The following DHX38 variants were observed in gnomAD, a reference collection of about 807,000 sequenced individuals.
DHX38 encodes pre-mRNA-splicing factor ATP-dependent RNA helicase PRP16.
A neutral mutation model predicts 153.1 loss-of-function variants in DHX38; 100 were observed. The observed-to-expected ratio is 0.65, with a 90% CI of 0.56 to 0.77. The LOEUF (loss-of-function observed/expected upper bound fraction) is 0.77. Ranked by LOEUF, DHX38 falls within the 30% of genes least tolerant of loss-of-function variation. The pLI is 0.00. For missense variants in DHX38, 1,440 were observed against 1,654.0 expected (o/e 0.87, Z 2.24); for synonymous variants, 650 against 631.7 (o/e 1.03, Z -0.43).
chr16:72,096,001 G>A, intron 1 of DHX38, 138 bp from the exon 2 acceptor site: 1 of 860,622 alleles, frequency 1.2e-6, no homozygotes, highest in South Asian at 1.8e-5. Flanking sequence ...AGGTCTTGGA[G>A]AGAGGGAGCA....
intron 2 of DHX38, 28 bp downstream of exon 2, chr16:72,096,508 G>C (rs2042020823): frequency 1.3e-6 from 2 of 1,568,918 alleles, no homozygotes; most frequent in East Asian, 2.3e-5. Flanking sequence ...GGTTAGCCCA[G>C]AGGGAAGCGA....
At chr16:72,109,807 T>G (rs753508664) in intron 25 of DHX38, 3 of 233,056 alleles carry the variant, frequency 1.3e-5, no homozygotes, top group Non-Finnish European at 2.5e-5. Flanking sequence ...TCTATAATTG[T>G]CAACGTTTGT....
rs773675029 is a variant in DHX38, at chr16:72,103,612, A to G, written c.1648A>G (p.Ile550Val). Residue 550 changes from isoleucine to valine, a missense_variant, in exon 13 of 27, where the codon ATC becomes GTC. By Grantham distance (29) the Ile-to-Val change is conservative. Around this residue, in one of 6 missense-constraint regions of DHX38, gnomAD observed 241 missense variants for 229.5 expected, o/e 1.05. Transcript: ENST00000268482. ...ELLTIIRDNS[I>V]VIVVGETGSG... is the part of the protein sequence containing the mutation. ...TGCTTGTCCTTGTAGAGACAACAGC[A>G]TCGTGATCGTGGTTGGGGAGACGGG... The G allele has an allele frequency of 7.2e-5, 116 of 1,608,278 alleles. No individual in the cohort carries two copies. Among genetic ancestry groups the G allele is most frequent in the Non-Finnish European group, 9.9e-5 (116 of 1,175,098 alleles).
intron 8 of DHX38, 79 bp downstream of exon 8, chr16:72,099,966 TGAGG>T: frequency 2.6e-6 from 4 of 1,519,540 alleles, no homozygotes; most frequent in Non-Finnish European, 3.5e-6. Context: ...TATCCCCAAG[TGAGG>T]GCAGCACAGC....
chr16:72,097,671 T>C lies in DHX38; in HGVS notation c.512-6T>C. The C allele has an allele frequency of 6.2e-7, 1 of 1,613,524 alleles. No individual in the cohort carries two copies. The highest frequency in any genetic ancestry group is 8.5e-7 in the Non-Finnish European group (1 of 1,179,648). ...ATGTTTTTAAGCTTCGTGTGACTCT[T>C]CATAGATGAGCGGGATAGAAGTAGG... On this transcript the variant is annotated splice_polypyrimidine_tract_variant and splice_region_variant and intron_variant, in intron 3 of 26. Coordinates refer to ENST00000268482, the MANE Select transcript of DHX38 (RefSeq NM_014003.4).
Position 72,104,365 on chromosome 16 carries a change from A to G in DHX38, c.2011-121A>G. ...TGCTTCAGTCTTCATGATTGGTAAG[A>G]ATTGAATAGGCCCATTTGTCAGCTT... On this transcript the variant is annotated intron_variant, in intron 14 of 26. Coordinates refer to ENST00000268482, the MANE Select transcript of DHX38 (RefSeq NM_014003.4). The surrounding 1 kb of genome is among the most constrained non-coding windows in gnomAD (Gnocchi z 4.5). 1 of 1,390,062 alleles carries G rather than the reference A, an allele frequency of 7.2e-7. No individual in the cohort carries two copies. Among genetic ancestry groups the G allele is most frequent in the Non-Finnish European group, 9.7e-7 (1 of 1,032,996 alleles). The allele number at this position is 1,390,062 out of a possible 1,614,324, so 86.1% of individuals were successfully genotyped here.
In DHX38 at chr16:72,107,261, C is replaced by G; in HGVS notation, c.2601-79C>G. 1 of 1,418,838 alleles carries G rather than the reference C, an allele frequency of 7.0e-7. No homozygotes were observed. Among genetic ancestry groups the G allele is most frequent in the Middle Eastern group, 2.3e-4 (1 of 4,344 alleles). The allele number at this position is 1,418,838 out of a possible 1,614,324, so 87.9% of individuals were successfully genotyped here. Reference sequence around the variant, plus strand: ...TGGGGAGAAGAAATGAGAATTTCCTCCCTCCCTGTGGGATTTCATCTGTAC... The same window carrying G: ...TGGGGAGAAGAAATGAGAATTTCCTGCCTCCCTGTGGGATTTCATCTGTAC... On this transcript the variant is annotated intron_variant, in intron 19 of 26. Coordinates refer to ENST00000268482, the MANE Select transcript of DHX38 (RefSeq NM_014003.4). This position sits in a 1 kb window ranked among gnomAD's most constrained non-coding sequence, Gnocchi z 5.3.
chr16:72,108,607 G>A lies in DHX38; in HGVS notation c.3255G>A (p.Lys1085=). ...ATTTCCACCAAGCAGCCAAGCTCAA[G>A]GTGAACCCAGGAGCCCAGTGAGCCC... ...AAYFHQAAKL[K]GIGEYVNIRT... Residue 1085 remains lysine, a splice_region_variant and synonymous_variant, in exon 23 of 27, where the codon AAG becomes AAA. Coordinates refer to ENST00000268482, the MANE Select transcript of DHX38 (RefSeq NM_014003.4). 21 of 1,613,416 alleles carry A rather than the reference G, an allele frequency of 1.3e-5. No individual in the cohort carries two copies. Among genetic ancestry groups the A allele is most frequent in the Non-Finnish European group, 1.8e-5 (21 of 1,179,588 alleles).
In DHX38 at chr16:72,112,313, A is replaced by G. The variant is rs1026524536; in HGVS notation, c.3600-100A>G. The G allele has an allele frequency of 1.3e-5, 16 of 1,191,368 alleles. No individual in the cohort carries two copies. In the African/African-American group the frequency reaches 1.8e-4, roughly 13 times the overall value. The allele number at this position is 1,191,368 out of a possible 1,614,324, so 73.8% of individuals were successfully genotyped here. A position where few individuals can be genotyped will look rare whatever the true frequency, so the allele number is the denominator to read the frequency against. On this transcript the variant is annotated intron_variant, in intron 26 of 26. Transcript: ENST00000268482. ...ATCCCTCGGCCCAGAGCTCCCCACC[A>G]TGGGTTAGGAACAGTAAGTCCTGGG...
rs760949808 is a variant in DHX38 at position 72,107,987 on chromosome 16, G to C, written c.2964+188G>C. Among the ~76,000 whole-genome samples, 4 of 152,212 alleles carry C rather than the reference G, an allele frequency of 2.6e-5. No homozygotes were observed. Among genetic ancestry groups the C allele is most frequent in the Non-Finnish European group, 5.9e-5 (4 of 68,034 alleles). ...AAGGGCTGGGCCAGTGGTTCTCAGG[G>C]AATGCTTTGGAAATTTGCAAGAGCA... On this transcript the variant is annotated intron_variant, in intron 21 of 26. Coordinates refer to ENST00000268482, the MANE Select transcript of DHX38 (RefSeq NM_014003.4). The surrounding 1 kb of genome is among the most constrained non-coding windows in gnomAD (Gnocchi z 5.3).
At chr16:72,102,697 C>G (rs1324931376) in intron 11 of DHX38, among the ~76,000 whole-genome samples, 4 of 152,226 alleles carry the variant, frequency 2.6e-5, no homozygotes, top group Non-Finnish European at 5.9e-5. Flanking sequence ...GCTATTTTAG[C>G]CCTTTAGACG....
rs755861959 is a variant in DHX38 at position 72,099,228 on chromosome 16, G to A, written c.908G>A (p.Gly303Glu). 3.5e-5 allele frequency: 56 copies of A among 1,612,540 alleles called. No individual in the cohort carries two copies. The South Asian group carries it at 6.0e-4, about 17-fold the overall frequency. The change falls in exon 7 of 27, where the codon GGA becomes GAA. Residue 303 changes from glycine to glutamate, a missense_variant. By Grantham distance (98) the Gly-to-Glu change is moderately conservative (BLOSUM62 -2). Coordinates refer to ENST00000268482, the MANE Select transcript of DHX38 (RefSeq NM_014003.4). ...GGAAGACGTGAGGAGGGCGAAGAAG[G>A]AATTTCATTTGACACGGAGGAGGAG... The part of the protein sequence containing the change: ...GRGRREEGEE[G>E]ISFDTEEERQ...
In DHX38 at chr16:72,112,560, C is replaced by A. The variant is rs186881380; in HGVS notation, c.*63C>A. 61 of 1,564,818 alleles carry A rather than the reference C, an allele frequency of 3.9e-5. No individual in the cohort carries two copies. The East Asian group carries it at 5.8e-4, about 15-fold the overall frequency. Reference sequence around the variant, plus strand: ...GGGTCCTCAGCCTTCTGGCGGGAGCCCTGAGGCTGCGGACAAAGCCCTTTC... The same window carrying A: ...GGGTCCTCAGCCTTCTGGCGGGAGCACTGAGGCTGCGGACAAAGCCCTTTC... On this transcript the variant is annotated 3_prime_UTR_variant, in exon 27 of 27. Coordinates refer to ENST00000268482, the MANE Select transcript of DHX38 (RefSeq NM_014003.4).
At chr16:72,111,127 G>T in intron 26 of DHX38, 50 bp downstream of exon 26, 1 of 1,507,896 alleles carries the variant, frequency 6.6e-7, no homozygotes, top group Non-Finnish European at 8.9e-7. Context: ...ATCCCAGGAG[G>T]CTGCCAGAGA....
chr16:72,107,131 T>TA lies in DHX38; in HGVS notation c.2601-199dup, dbSNP rs983075094. Among the ~76,000 whole-genome samples, 101 of 148,232 alleles carry TA rather than the reference T, an allele frequency of 6.8e-4. 1 individual carries two copies. The highest frequency in any genetic ancestry group is 3.4e-3 in the Middle Eastern group (1 of 290). On this transcript the variant is annotated intron_variant, in intron 19 of 26. Transcript: ENST00000268482. This position sits in a 1 kb window ranked among gnomAD's most constrained non-coding sequence, Gnocchi z 5.3. ...TTGGGCAACAGAGTGAGACTCTGTC[T>TA]AAAAAAAAAAGAAATGAAACATGTA...
chr16:72,095,521 G>A (rs1384767498), intron 1 of DHX38, among the ~76,000 whole-genome samples: 4 of 152,196 alleles, frequency 2.6e-5, no homozygotes, highest in Non-Finnish European at 2.9e-5. Flanking sequence ...GTATATAGGA[G>A]GATAGCAAAT....
At chr16:72,097,094 C>T (rs762581336) in intron 3 of DHX38, 85 bp downstream of exon 3, 15 of 1,455,264 alleles carry the variant, frequency 1.0e-5, no homozygotes, top group Non-Finnish European at 1.3e-5. Context: ...GTTTTTGCAA[C>T]ACCCATTTGT....
Position 72,096,388 on chromosome 16 carries a change from C to T in DHX38, c.231C>T (p.Ser77=). ...AGGACAAGAAGAAGTCCAAAGTCTC[C>T]TCCTACAAGGACTGGGAAGAGAGCA... ...DGEDKKKSKV[S]SYKDWEESKD... Residue 77 remains serine (S), a synonymous_variant, in exon 2 of 27, where the codon TCC becomes TCT. Coordinates refer to ENST00000268482, the MANE Select transcript of DHX38 (RefSeq NM_014003.4). 1.2e-6 allele frequency: 2 copies of T among 1,614,158 alleles called. No individual in the cohort carries two copies. The highest frequency in any genetic ancestry group is 1.7e-6 in the Non-Finnish European group (2 of 1,180,036).
At chr16:72,109,820 A>C in intron 25 of DHX38, 1 of 219,686 alleles carries the variant, frequency 4.6e-6, no homozygotes, top group Non-Finnish European at 8.9e-6. Context: ...ACGTTTGTTC[A>C]ATTTCACTAT....
Sources: gnomAD v4.1 joint callset for allele counts (sites outside exome capture counted in the v4.1 genomes callset) on GRCh38, gnomAD v4.1.1 for gene constraint, gnomAD v4.1.1 regional missense constraint, Gnocchi (gnomAD v3.1) non-coding constraint, MANE v1.5 for transcripts, NCBI Gene and HGNC (gene_info 2026-07-23, HGNC 2026-07-21) for gene names.